FTO: variants seen among roughly 807,000 people sequenced by gnomAD.
FTO encodes the protein alpha-ketoglutarate-dependent dioxygenase FTO.
Under a neutral mutation model 63.9 loss-of-function variants are expected in FTO, and 47 were observed. That is an observed-to-expected ratio of 0.74 (90% CI 0.58 to 0.94). FTO has a LOEUF of 0.94. Ranked by LOEUF, FTO falls within the 40% of genes least tolerant of loss-of-function variation. The pLI is 0.00. For synonymous variants in FTO, 207 were observed against 224.4 expected (o/e 0.92, Z 0.69); for missense variants, 562 against 618.1 (o/e 0.91, Z 0.96).
chr16:53,834,056 G>A (rs995693265), intron 3 of FTO, among the ~76,000 whole-genome samples: 8 of 151,064 alleles, frequency 5.3e-5, no homozygotes, highest in South Asian at 2.1e-4. Flanking sequence ...ACGGAGTCTC[G>A]GTCTGTCACC....
chr16:54,088,103 C>A (rs1414893748), intron 8 of FTO, among the ~76,000 whole-genome samples: 1 of 152,172 alleles, frequency 6.6e-6, no homozygotes, highest in Non-Finnish European at 1.5e-5. Context: ...AGTCTTTTGA[C>A]CACTGCTTCC....
intron 1 of FTO, among the ~76,000 whole-genome samples, chr16:53,737,778 C>T (rs918236779): frequency 3.3e-5 from 5 of 152,026 alleles, no homozygotes; most frequent in Non-Finnish European, 7.4e-5. Context: ...TCACTCTACT[C>T]CTCCCCCCAG....
chr16:53,757,512 CATA>C (rs1260878044), intron 1 of FTO, among the ~76,000 whole-genome samples: 1 of 151,142 alleles, frequency 6.6e-6, no homozygotes, highest in African/African-American at 2.4e-5. Flanking sequence ...TATATGAATA[CATA>C]ATACCTATAT....
chr16:53,737,427 G>A lies in FTO; in HGVS notation c.45+33198G>A, dbSNP rs139153716. Among the ~76,000 whole-genome samples, 234 of 152,184 alleles carry A rather than the reference G, an allele frequency of 1.5e-3. 2 individuals are homozygous for A. Among genetic ancestry groups the A allele is most frequent in the African/African-American group, 5.2e-3 (216 of 41,530 alleles). Reference sequence around the variant, plus strand: ...ACTGCATCAGTACAGTTGCTGTTTCGTACAGTAACTTGCTATACAAGTAAC... The same window carrying A: ...ACTGCATCAGTACAGTTGCTGTTTCATACAGTAACTTGCTATACAAGTAAC... On this transcript the variant is annotated intron_variant, in intron 1 of 8. Coordinates refer to ENST00000471389, the MANE Select transcript of FTO (RefSeq NM_001080432.3).
intron 1 of FTO, among the ~76,000 whole-genome samples, chr16:53,767,838 C>A (rs1168603733): frequency 6.6e-6 from 1 of 152,136 alleles, no homozygotes; most frequent in Non-Finnish European, 1.5e-5. Context: ...CAGAAATCAT[C>A]TAAAAATAAC....
chr16:53,723,170 G>T (rs900246366), intron 1 of FTO, among the ~76,000 whole-genome samples: 12 of 152,150 alleles, frequency 7.9e-5, no homozygotes, highest in South Asian at 2.1e-4. Flanking sequence ...TTTTATGTCT[G>T]CAGAAGGCTG....
chr16:54,067,974 C>CT (rs1306351923), intron 8 of FTO, among the ~76,000 whole-genome samples: 11 of 147,924 alleles, frequency 7.4e-5, no homozygotes, highest in Non-Finnish European at 7.5e-5. Flanking sequence ...TCTCCTCTGT[C>CT]TTTTTTTTTT....
intron 1 of FTO, among the ~76,000 whole-genome samples, chr16:53,744,825 T>TCC (rs563024215): frequency 3.2e-4 from 22 of 69,154 alleles, no homozygotes; most frequent in African/African-American, 2.0e-3. Context: ...GGACTTTTCT[T>TCC]CCCCCCCCCC....
At chr16:53,948,017 G>A (rs1187164849) in intron 8 of FTO, among the ~76,000 whole-genome samples, 1 of 152,138 alleles carries the variant, frequency 6.6e-6, no homozygotes, top group Admixed American at 6.5e-5. Context: ...TTTGAGTGAC[G>A]CGTACACAAA....
At chr16:53,878,588 C>T (rs112474313) in intron 5 of FTO, among the ~76,000 whole-genome samples, 4,391 of 152,216 alleles carry the variant, frequency 0.029, 237 homozygotes, top group African/African-American at 0.1. Flanking sequence ...TTTACAAGGG[C>T]TCAGTTTAAA....
chr16:53,908,579 T>G (rs2151938434), intron 7 of FTO, among the ~76,000 whole-genome samples: 1 of 152,376 alleles, frequency 6.6e-6, no homozygotes, highest in South Asian at 2.1e-4. Context: ...GATATTGCCC[T>G]GTGCCTGTCT....
In FTO at chr16:54,024,418, C is replaced by T. The variant is rs147159892; in HGVS notation, c.1365-87344C>T. 8.8e-3 allele frequency among the ~76,000 whole-genome samples: 1,337 copies of T among 151,806 alleles called. 19 individuals carry two copies. Among genetic ancestry groups the T allele is most frequent in the African/African-American group, 0.03 (1,252 of 41,348 alleles). On this transcript the variant is annotated intron_variant, in intron 8 of 8. Coordinates refer to ENST00000471389, the MANE Select transcript of FTO (RefSeq NM_001080432.3). ...TTTTTTTTTGTATTTTTAGTAGAGA[C>T]GGGGTCTCACCATATTGGCCAGGCT...
At chr16:53,948,121 C>A (rs1395034357) in intron 8 of FTO, among the ~76,000 whole-genome samples, 2 of 152,162 alleles carry the variant, frequency 1.3e-5, no homozygotes, top group Non-Finnish European at 2.9e-5. Context: ...TGTTTCTGAG[C>A]ACTTTTATTG....
chr16:53,761,995 A>G (rs890523100), intron 1 of FTO, among the ~76,000 whole-genome samples: 2 of 152,194 alleles, frequency 1.3e-5, no homozygotes, highest in Non-Finnish European at 2.9e-5. Context: ...GGTAATACTG[A>G]TAAGTTAAAA....
At chr16:54,025,483 G>A (rs561829301) in intron 8 of FTO, among the ~76,000 whole-genome samples, 1 of 152,190 alleles carries the variant, frequency 6.6e-6, no homozygotes, top group South Asian at 2.1e-4. Flanking sequence ...AGCACTTTGG[G>A]AGGCCAAGGG....
intron 4 of FTO, among the ~76,000 whole-genome samples, chr16:53,864,193 T>G (rs867817294): frequency 2.0e-5 from 3 of 152,186 alleles, no homozygotes; most frequent in South Asian, 2.1e-4. Context: ...AATGAAAAGC[T>G]TCAGTGATTG....
At position 54,074,841 on chromosome 16, in the gene FTO, A is replaced by G. The variant is rs1001521177; in HGVS notation, c.1365-36921A>G. Among the ~76,000 whole-genome samples the G allele has an allele frequency of 5.9e-5, 9 of 151,950 alleles. No homozygotes were observed. The South Asian group carries it at 8.3e-4, about 14-fold the overall frequency. On this transcript the variant is annotated intron_variant, in intron 8 of 8. Coordinates refer to ENST00000471389, the MANE Select transcript of FTO (RefSeq NM_001080432.3). ...TGCAACAAGTTATATAGGCTCCCCA[A>G]GTAGCCAGTGAGCATACCTGTTTTT... is the stretch of plus-strand genomic sequence containing the variant.
At chr16:54,055,831 T>C (rs1053243350) in intron 8 of FTO, among the ~76,000 whole-genome samples, 1 of 152,254 alleles carries the variant, frequency 6.6e-6, no homozygotes, top group Non-Finnish European at 1.5e-5. Flanking sequence ...ATCTACTGAT[T>C]AGCAGGATAT....
intron 8 of FTO, among the ~76,000 whole-genome samples, chr16:53,990,481 G>A (rs2083782139): frequency 6.6e-6 from 1 of 152,100 alleles, no homozygotes; most frequent in Admixed American, 6.5e-5. Flanking sequence ...CCTCACACCA[G>A]ACAGCGGCAG....
Sources: gnomAD v4.1 joint callset for allele counts (sites outside exome capture counted in the v4.1 genomes callset) on GRCh38, gnomAD v4.1.1 for gene constraint, MANE v1.5 for transcripts, NCBI Gene and HGNC (gene_info 2026-07-23, HGNC 2026-07-21) for gene names.